CHD1L: variants seen among roughly 807,000 people sequenced by gnomAD.
CHD1L encodes the protein ATP-dependent chromatin remodeler CHD1L.
CHD1L carries 118 observed loss-of-function variants against 115.9 expected under a neutral mutation model. That is an observed-to-expected ratio of 1.02 (90% confidence interval 0.88 to 1.19). CHD1L has a LOEUF of 1.19. CHD1L is among the 50% of genes most tolerant of loss of function. The pLI, the probability that CHD1L is intolerant of heterozygous loss-of-function variation, is 0.00. For missense variants in CHD1L, 1,179 were observed against 1,065.3 expected, an observed-to-expected ratio of 1.11 and a Z score of -1.49; for synonymous variants, 411 against 387.1, an observed-to-expected ratio of 1.06 and a Z score of -0.72.
intron 14 of CHD1L, among the ~76,000 whole-genome samples, chr1:147,279,768 A>G (rs587602513): frequency 6.6e-6 from 1 of 152,292 alleles, no homozygotes; most frequent in East Asian, 1.9e-4. Flanking sequence ...GGAGGCTTAT[A>G]CATTTTTTTT....
At chr1:147,224,666 C>T in the CHD1L span, among the ~76,000 whole-genome samples, 1 of 152,112 alleles carries the variant, frequency 6.6e-6, no homozygotes, top group African/African-American at 2.4e-5. Flanking sequence ...CCCGCCACCA[C>T]GCCCGGCTAA....
Position 147,286,469 on chromosome 1 carries a change from G to A in CHD1L, c.2190G>A (p.Gly730=), listed in dbSNP as rs782727392. The change falls in exon 18 of 23, where the codon GGG becomes GGA. Residue 730 remains glycine (G), a synonymous_variant. Transcript: ENST00000369258. ...GTGATGTCACCCACCCTCAGGCTGG[G>A]GCCGAGGATGCTCTCATTGTGCACT... is the stretch of plus-strand genomic sequence containing the variant. ...VSGDVTHPQA[G]AEDALIVHCV... The A allele has an allele frequency of 4.3e-6, 7 of 1,613,918 alleles. No homozygotes were observed. Among genetic ancestry groups the A allele is most frequent in the Non-Finnish European group, 5.9e-6 (7 of 1,180,004 alleles).
the CHD1L span, among the ~76,000 whole-genome samples, chr1:147,236,252 T>G: frequency 6.6e-6 from 1 of 152,206 alleles, no homozygotes. Context: ...GTCACAGCCC[T>G]GGCTCAGTGA....
intron 1 of CHD1L, among the ~76,000 whole-genome samples, chr1:147,248,303 G>A (rs587726762): frequency 6.6e-6 from 1 of 151,924 alleles, no homozygotes; most frequent in African/African-American, 2.4e-5. Context: ...CTGCCTCCCA[G>A]GTTCAAGTGA....
At position 147,293,733 on chromosome 1, in the gene CHD1L, C is replaced by T. The variant is rs782621020; in HGVS notation, c.2506+11C>T. 1.3e-6 allele frequency: 2 copies of T among 1,595,562 alleles called. No homozygotes were observed. Among genetic ancestry groups the T allele is most frequent in the East Asian group, 2.2e-5 (1 of 44,784 alleles). On this transcript the variant is annotated intron_variant, in intron 21 of 22. Coordinates refer to ENST00000369258, the MANE Select transcript of CHD1L (RefSeq NM_004284.6). ...CAAAAAAGAAGAAAGGTAAGCTCTT[C>T]CACCTGTGCTCAAGAGTAGATGAAT... is the stretch of plus-strand genomic sequence containing the variant.
At chr1:147,288,770 A>C (rs1460281448) in intron 19 of CHD1L, among the ~76,000 whole-genome samples, 9 of 152,222 alleles carry the variant, frequency 5.9e-5, no homozygotes, top group Non-Finnish European at 1.3e-4. Flanking sequence ...AGATGTGTTA[A>C]GAGGTCAGCA....
At chr1:147,179,103 T>G in the CHD1L span, 158 of 1,613,930 alleles carry the variant, frequency 9.8e-5, no homozygotes, top group South Asian at 1.3e-4. Flanking sequence ...CTATCAGAAC[T>G]GCTAAAGGAG....
At position 147,268,889 on chromosome 1, in the gene CHD1L, G is replaced by A. The variant is rs1424480846; in HGVS notation, c.1085+11G>A. The A allele has an allele frequency of 2.5e-6, 4 of 1,602,830 alleles. No individual in the cohort carries two copies. The African/African-American group carries it at 5.4e-5, about 21-fold the overall frequency. On this transcript the variant is annotated intron_variant, in intron 10 of 22. Coordinates refer to ENST00000369258, the MANE Select transcript of CHD1L (RefSeq NM_004284.6). ...ATTCCTGTATTCTGGGTAGGTGGTAGGTTCACATTTGCTGCTCTGAGCTAA... is the reference window on the plus strand; with the variant it reads ...ATTCCTGTATTCTGGGTAGGTGGTAAGTTCACATTTGCTGCTCTGAGCTAA...
intron 16 of CHD1L, among the ~76,000 whole-genome samples, chr1:147,284,766 T>G (rs1223675763): frequency 2.0e-5 from 3 of 152,150 alleles, no homozygotes; most frequent in African/African-American, 7.2e-5. Flanking sequence ...CCTAAAGGCA[T>G]TCCTATATTA....
At position 147,286,387 on chromosome 1, in the gene CHD1L, G is replaced by A; in HGVS notation, c.2108G>A (p.Ser703Asn). 6.2e-7 allele frequency: 1 copy of A among 1,614,152 alleles called. No individual in the cohort carries two copies. The highest frequency in any genetic ancestry group is 2.2e-5 in the East Asian group (1 of 44,878). ...GAGGACCTTGAGAATGGGGAAGAGA[G>A]CTCTGCTGAGCTGGATTACCAAGAC... ...EPEDLENGEE[S>N]SAELDYQDPD... is the part of the protein sequence containing the mutation. Residue 703 changes from serine (S) to asparagine (N), a missense_variant, in exon 18 of 23, where the codon AGC (serine) becomes AAC (asparagine). Ser to Asn is a conservative substitution (Grantham distance 46). Transcript: ENST00000369258.
intron 12 of CHD1L, among the ~76,000 whole-genome samples, chr1:147,273,383 C>T (rs1454669557): frequency 6.6e-6 from 1 of 152,104 alleles, no homozygotes; most frequent in Non-Finnish European, 1.5e-5. Flanking sequence ...TAAATGCCTG[C>T]TGCTATAAGG....
the CHD1L span, chr1:147,178,423 AAT>A: frequency 6.2e-7 from 1 of 1,611,484 alleles, no homozygotes; most frequent in Non-Finnish European, 8.5e-7. Flanking sequence ...TCCAACCCTG[AAT>A]ATGTTTAGAG....
At chr1:147,242,523 G>A (rs1665017974), upstream of CHD1L, 3 of 570,564 alleles carry the variant, frequency 5.3e-6, no homozygotes. Context: ...CGCACTGCAA[G>A]AACTGCCTGT....
the CHD1L span, among the ~76,000 whole-genome samples, chr1:147,226,430 G>A: frequency 1.3e-5 from 2 of 152,098 alleles, no homozygotes; most frequent in Admixed American, 6.6e-5. Flanking sequence ...TAATTTTAAC[G>A]AAATAAAAGT....
the CHD1L span, among the ~76,000 whole-genome samples, chr1:147,228,923 G>C: frequency 6.6e-6 from 1 of 152,098 alleles, no homozygotes; most frequent in African/African-American, 2.4e-5. Flanking sequence ...TTTGTCAGAT[G>C]AGTAGATTGC....
At chr1:147,243,185 G>C (rs1553932320) in intron 1 of CHD1L, 2 of 179,518 alleles carry the variant, frequency 1.1e-5, no homozygotes, top group African/African-American at 4.7e-5. Context: ...TCCAGTTGCT[G>C]TTCCGGTGGG....
At chr1:147,190,150 A>G in the CHD1L span, 2 of 1,447,370 alleles carry the variant, frequency 1.4e-6, no homozygotes, top group South Asian at 1.2e-5. Flanking sequence ...AAATGTAACC[A>G]TATATCTTCC....
chr1:147,273,360 T>A lies in CHD1L; in HGVS notation c.1270+1079T>A, dbSNP rs1052594555. Among the ~76,000 whole-genome samples, 6 of 152,222 alleles carry A rather than the reference T, an allele frequency of 3.9e-5. 1 individual carries two copies. The highest frequency in any genetic ancestry group is 3.9e-4 in the Admixed American group (6 of 15,288). ...TTCTAAAAAGAGAGTTCAGTCTTAT[T>A]TAGAAAGCTTTCTAAATGCCTGCTG... On this transcript the variant is annotated intron_variant, in intron 12 of 22. Transcript: ENST00000369258.
At chr1:147,227,486 T>C in the CHD1L span, among the ~76,000 whole-genome samples, 70 of 152,368 alleles carry the variant, frequency 4.6e-4, 2 homozygotes, top group East Asian at 0.011. Flanking sequence ...CTTTTGAATA[T>C]AGCAAATATG....
Sources: gnomAD v4.1 joint callset for allele counts (sites outside exome capture counted in the v4.1 genomes callset) on GRCh38, gnomAD v4.1.1 for gene constraint, MANE v1.5 for transcripts, NCBI Gene and HGNC (gene_info 2026-07-23, HGNC 2026-07-21) for gene names.